The following KLC3 variants were observed in gnomAD, a reference collection of about 807,000 sequenced individuals.
KLC3 encodes the protein kinesin light chain 3.
A neutral mutation model predicts 62.9 loss-of-function variants in KLC3; 72 were observed. That is an observed-to-expected ratio of 1.15 (90% CI 0.95 to 1.39). The LOEUF (loss-of-function observed/expected upper bound fraction) is 1.39. Ranked by LOEUF, KLC3 falls within the 40% of genes most tolerant of loss-of-function variation. The pLI, the probability that KLC3 is intolerant of heterozygous loss-of-function variation, is 0.00. For synonymous variants in KLC3, 377 were observed against 300.5 expected, an observed-to-expected ratio of 1.25 and a Z score of -2.63; for missense variants, 848 against 691.6, an observed-to-expected ratio of 1.23 and a Z score of -2.54.
Position 45,346,601 on chromosome 19 carries a change from C to G in KLC3, c.316C>G (p.Arg106Gly). 2 of 1,549,724 alleles carry G rather than the reference C, an allele frequency of 1.3e-6. No homozygotes were observed. Among genetic ancestry groups the G allele is most frequent in the South Asian group, 2.4e-5 (2 of 84,022 alleles). The change falls in exon 3 of 13, where the codon CGC (arginine) becomes GGC (glycine). Residue 106 changes from arginine to glycine, a missense_variant. Physicochemically the swap from Arg to Gly is moderately radical, Grantham distance 125 (BLOSUM62 -2). Transcript: ENST00000391946. ...ACTGGAGGCAGAGAAGCAGCGGCTG[C>G]GCTCGCAGGCCCGGCGGCTGGCCCA... ...GALEAEKQRL[R>G]SQARRLAQEN...
At chr19:45,341,578 T>TGTGTGTGCGC in intron 1 of KLC3, among the ~76,000 whole-genome samples, 366 of 139,892 alleles carry the variant, frequency 2.6e-3, no homozygotes, top group Non-Finnish European at 3.6e-3. Context: ...TGTGTGTGTG[T>TGTGTGTGCGC]GCGCGCGCGC....
chr19:45,341,578 T>TGTGTGTGTGTGCGCGCGC lies in KLC3; in HGVS notation c.-9+733_-9+734insTGTGTGTGTGCGCGCGCG. Reference sequence around the variant, plus strand: ...TGGTGTGTGTGTGTGTGTGTGTGTGTGCGCGCGCGCGTGTGGTGGACAGTG... The same window carrying TGTGTGTGTGTGCGCGCGC: ...TGGTGTGTGTGTGTGTGTGTGTGTGTGTGTGTGTGTGCGCGCGCGCGCGCGCGCGTGTGGTGGACAGTG... On this transcript the variant is annotated intron_variant, in intron 1 of 12. Transcript: ENST00000391946. Among the ~76,000 whole-genome samples the TGTGTGTGTGTGCGCGCGC allele has an allele frequency of 3.8e-3, 532 of 139,868 alleles. 5 individuals carry two copies. Among genetic ancestry groups the TGTGTGTGTGTGCGCGCGC allele is most frequent in the African/African-American group, 0.012 (464 of 37,428 alleles). 91.8% of individuals were successfully genotyped at this position (139,868 alleles called of 152,430 possible).
intron 1 of KLC3, 59 bp from the exon 2 acceptor site, chr19:45,345,475 G>A (rs1255415200): frequency 1.3e-6 from 2 of 1,547,014 alleles, no homozygotes; most frequent in Non-Finnish European, 8.7e-7. Context: ...AATAGAGGCT[G>A]GGGGCCAACT....
chr19:45,351,416 G>A lies in KLC3; in HGVS notation c.*59G>A. 1 of 1,597,058 alleles carries A rather than the reference G, an allele frequency of 6.3e-7. No individual in the cohort carries two copies. Among genetic ancestry groups the A allele is most frequent in the South Asian group, 1.1e-5 (1 of 90,736 alleles). On this transcript the variant is annotated 3_prime_UTR_variant, in exon 13 of 13. Transcript: ENST00000391946. ...GGAACAGTGCAGGAGGGATGGGCTGGTGGGGTGAGAGGGGGTCTATCATCT... is the reference window on the plus strand; with the variant it reads ...GGAACAGTGCAGGAGGGATGGGCTGATGGGGTGAGAGGGGGTCTATCATCT...
intron 4 of KLC3, 144 bp from the exon 5 acceptor site, chr19:45,347,797 C>T: frequency 1.4e-6 from 1 of 721,802 alleles, no homozygotes; most frequent in Non-Finnish European, 2.3e-6. Flanking sequence ...ATGCTAGTGA[C>T]TCCTATCTCA....
intron 1 of KLC3, among the ~76,000 whole-genome samples, chr19:45,341,146 C>T (rs1236026393): frequency 6.6e-6 from 1 of 150,726 alleles, no homozygotes; most frequent in African/African-American, 2.5e-5. Flanking sequence ...GTGCGGCTTG[C>T]GGGGCTGGGC....
intron 1 of KLC3, among the ~76,000 whole-genome samples, chr19:45,342,488 G>A (rs758482540): frequency 6.6e-5 from 10 of 152,194 alleles, no homozygotes; most frequent in East Asian, 1.9e-4. Context: ...GGCTGGGCGC[G>A]GTAGCTCACG....
intron 7 of KLC3, 110 bp from the exon 8 acceptor site, chr19:45,349,319 C>T: frequency 8.8e-7 from 1 of 1,138,412 alleles, no homozygotes; most frequent in Non-Finnish European, 1.2e-6. Flanking sequence ...TCTCAGGTCA[C>T]TCTCTGCTTT....
Position 45,351,421 on chromosome 19 carries a change from G to A in KLC3, c.*64G>A, listed in dbSNP as rs1599721095. 4 of 1,593,638 alleles carry A rather than the reference G, an allele frequency of 2.5e-6. No individual in the cohort carries two copies. The highest frequency in any genetic ancestry group is 3.4e-6 in the Non-Finnish European group (4 of 1,173,252). On this transcript the variant is annotated 3_prime_UTR_variant, in exon 13 of 13. Transcript: ENST00000391946. ...AGTGCAGGAGGGATGGGCTGGTGGG[G>A]TGAGAGGGGGTCTATCATCTCCTGG... is the stretch of plus-strand genomic sequence containing the variant.
Position 45,350,991 on chromosome 19 carries a change from G to A in KLC3, c.1417G>A (p.Asp473Asn), listed in dbSNP as rs1391316277. Residue 473 changes from aspartate to asparagine, a missense_variant, in exon 12 of 13, where the codon GAT (aspartate) becomes AAT (asparagine). By Grantham distance (23) the Asp-to-Asn change is conservative. Coordinates refer to ENST00000391946, the MANE Select transcript of KLC3 (RefSeq NM_177417.3). ...RAMSLNTLNV[D>N]APRAPGTQFP... ...CATGTCACTCAACACACTGAACGTG[G>A]ATGCTCCAAGGGCTCCTGGGACTCA... is the stretch of plus-strand genomic sequence containing the variant. 3 of 1,614,166 alleles carry A rather than the reference G, an allele frequency of 1.9e-6. No individual in the cohort carries two copies. The highest frequency in any genetic ancestry group is 1.1e-5 in the South Asian group (1 of 91,086).
chr19:45,345,708 G>C lies in KLC3; in HGVS notation c.167G>C (p.Gly56Ala). 1.9e-6 allele frequency: 3 copies of C among 1,566,166 alleles called. No individual in the cohort carries two copies. The highest frequency in any genetic ancestry group is 2.6e-6 in the Non-Finnish European group (3 of 1,156,550). The change falls in exon 2 of 13, where the codon GGC becomes GCC. Residue 56 changes from glycine (G) to alanine (A), a missense_variant. Coordinates refer to ENST00000391946, the MANE Select transcript of KLC3 (RefSeq NM_177417.3). ...CTGGCGGAGGCCCTGGCGGGACAGG[G>C]CCCGGCAGCCGGCTTGGAGATGCTG... The part of the protein sequence containing the change: ...GHLAEALAGQ[G>A]PAAGLEMLEE...
At chr19:45,344,875 C>T (rs4476273) in intron 1 of KLC3, 44,851 of 153,448 alleles carry the variant, frequency 0.29, 7,347 homozygotes, top group Non-Finnish European at 0.35. Context: ...TGGAGGAGGG[C>T]GGAGCCCCTG....
chr19:45,347,029 C>G (rs1485787817), intron 3 of KLC3: 4 of 487,054 alleles, frequency 8.2e-6, no homozygotes, highest in Non-Finnish European at 1.5e-5. Flanking sequence ...CTCTGACGCT[C>G]GTGACCACCA....
chr19:45,349,163 T>C (rs1971592329), intron 7 of KLC3, among the ~76,000 whole-genome samples: 2 of 152,028 alleles, frequency 1.3e-5, no homozygotes, highest in Admixed American at 1.3e-4. Flanking sequence ...GGTCCCCCCA[T>C]AGCCTTTCCA....
rs780678159 is a variant in KLC3, at chr19:45,349,461, G to C, written c.1002G>C (p.Lys334Asn). 1.9e-6 allele frequency: 3 copies of C among 1,612,984 alleles called. No homozygotes were observed. In the South Asian group the frequency reaches 3.3e-5, roughly 18 times the overall value. ...VLGADHPDVA[K>N]QLNNLALLCQ... ...GTGCTGACCACCCAGATGTGGCCAA[G>C]CAGCTCAACAACCTGGCCCTGCTGT... Residue 334 changes from lysine (K) to asparagine (N), a missense_variant, in exon 8 of 13, where the codon AAG (lysine) becomes AAC (asparagine). By Grantham distance (94) the Lys-to-Asn change is moderately conservative. Transcript: ENST00000391946.
chr19:45,341,745 T>TGAGGTGTG (rs1036696052), intron 1 of KLC3, among the ~76,000 whole-genome samples: 2 of 131,094 alleles, frequency 1.5e-5, no homozygotes, highest in African/African-American at 5.8e-5. Flanking sequence ...GTTGGATGAG[T>TGAGGTGTG]GAGGTGTGGA....
Position 45,351,463 on chromosome 19 carries a change from G to A in KLC3, c.*106G>A, listed in dbSNP as rs1971773456. The stretch of plus-strand genomic sequence containing the variant: ...ATCTCCTGGCCCCCCCTTGCCTCTG[G>A]GTACCTGGTGGATAGCTGCCTTCTC... On this transcript the variant is annotated 3_prime_UTR_variant, in exon 13 of 13. Coordinates refer to ENST00000391946, the MANE Select transcript of KLC3 (RefSeq NM_177417.3). 1.3e-6 allele frequency: 2 copies of A among 1,582,506 alleles called. No individual in the cohort carries two copies. Among genetic ancestry groups the A allele is most frequent in the Middle Eastern group, 1.7e-4 (1 of 5,918 alleles).
chr19:45,348,060 G>T lies in KLC3; in HGVS notation c.679G>T (p.Val227Leu). The T allele has an allele frequency of 6.2e-7, 1 of 1,602,626 alleles. No individual in the cohort carries two copies. Among genetic ancestry groups the T allele is most frequent in the Non-Finnish European group, 8.5e-7 (1 of 1,174,878 alleles). The change falls in exon 5 of 13, where the codon GTG becomes TTG. Residue 227 changes from valine (V) to leucine (L), a missense_variant. Physicochemically the swap from Val to Leu is conservative, Grantham distance 32 (BLOSUM62 1). Transcript: ENST00000391946. Reference sequence around the variant, plus strand: ...GGGGCAGGGCCGCTATGAGGTGGCGGTGCCTCTGTGCCGCCAGGCCTTGGA... The same window carrying T: ...GGGGCAGGGCCGCTATGAGGTGGCGTTGCCTCTGTGCCGCCAGGCCTTGGA... ...YAGQGRYEVA[V>L]PLCRQALEDL... is the part of the protein sequence containing the mutation.
intron 5 of KLC3, among the ~76,000 whole-genome samples, chr19:45,348,375 AGAG>A (rs144020675): frequency 0.065 from 9,851 of 152,218 alleles, 442 homozygotes; most frequent in Middle Eastern, 0.095. Context: ...AGCCAGGCAG[AGAG>A]GAGTCAGAGA....
Sources: gnomAD v4.1 joint callset for allele counts (sites outside exome capture counted in the v4.1 genomes callset) on GRCh38, gnomAD v4.1.1 for gene constraint, MANE v1.5 for transcripts, NCBI Gene and HGNC (gene_info 2026-07-23, HGNC 2026-07-21) for gene names.